The following MAPK14 variants were observed in gnomAD, a reference collection of about 807,000 sequenced individuals.
The protein encoded by MAPK14 is CSAID-binding protein.
MAPK14 carries 16 observed loss-of-function variants against 49.6 expected under a neutral mutation model. That is an observed-to-expected ratio of 0.32 (90% CI 0.22 to 0.49). The LOEUF is 0.49. Among genes scored for constraint, MAPK14 ranks in the 20% least tolerant of loss-of-function variants. The pLI, the probability that MAPK14 is intolerant of heterozygous loss-of-function variation, is 0.99. For synonymous variants in MAPK14, 142 were observed against 158.0 expected, an observed-to-expected ratio of 0.90 and a Z score of 0.76; for missense variants, 200 against 441.2, an observed-to-expected ratio of 0.45 and a Z score of 4.90.
intron 3 of MAPK14, among the ~76,000 whole-genome samples, chr6:36,063,702 A>AGTG (rs1763922967): frequency 6.6e-6 from 1 of 152,248 alleles, no homozygotes; most frequent in South Asian, 2.1e-4. Context: ...AACAATAGGT[A>AGTG]GTGCATTTTG....
intron 7 of MAPK14, 107 bp downstream of exon 7, chr6:36,076,069 C>A: frequency 8.8e-7 from 1 of 1,141,556 alleles, no homozygotes; most frequent in Non-Finnish European, 1.3e-6. Flanking sequence ...TCTTTTCTTC[C>A]CTCAGTGATC....
chr6:36,089,879 G>A (rs1316586249), intron 8 of MAPK14, among the ~76,000 whole-genome samples: 1 of 152,226 alleles, frequency 6.6e-6, no homozygotes, highest in Non-Finnish European at 1.5e-5. Context: ...TGCAGCTTAA[G>A]GAAGAGAGAA....
intron 2 of MAPK14, among the ~76,000 whole-genome samples, chr6:36,058,252 A>G (rs1293766230): frequency 4.6e-5 from 7 of 152,208 alleles, no homozygotes; most frequent in African/African-American, 9.7e-5. Context: ...TTTGAAGCAT[A>G]TACAGTTAAT....
intron 1 of MAPK14, among the ~76,000 whole-genome samples, chr6:36,036,049 C>T (rs561273888): frequency 1.3e-5 from 2 of 152,156 alleles, no homozygotes; most frequent in East Asian, 3.9e-4. Context: ...CATGGCGAAA[C>T]TCTGCCTCTA....
At chr6:36,095,417 TTCCAGAGGGTGTGC>T (rs1765406164) in intron 8 of MAPK14, among the ~76,000 whole-genome samples, 1 of 152,216 alleles carries the variant, frequency 6.6e-6, no homozygotes, top group Admixed American at 6.5e-5. Flanking sequence ...AGGCTTCCCT[TTCCAGAGGGTGTGC>T]TCCAGTGGTC....
At chr6:36,117,437 G>A in the MAPK14 span, among the ~76,000 whole-genome samples, 17 of 152,188 alleles carry the variant, frequency 1.1e-4, no homozygotes, top group Non-Finnish European at 2.2e-4. Context: ...TAATGTATTC[G>A]TTCTTCTGTT....
chr6:36,063,226 T>C (rs1581772780), intron 3 of MAPK14, among the ~76,000 whole-genome samples: 1 of 152,146 alleles, frequency 6.6e-6, no homozygotes, highest in Admixed American at 6.5e-5. Flanking sequence ...ATGCTGTAGG[T>C]AACTGTAACG....
chr6:36,115,739 C>T (rs1766049323), downstream of MAPK14, among the ~76,000 whole-genome samples: 1 of 152,062 alleles, frequency 6.6e-6, no homozygotes, highest in African/African-American at 2.4e-5. Flanking sequence ...GGTGAAACCC[C>T]ATCTCTACTA....
chr6:36,071,745 ATACT>A (rs1184303935), intron 3 of MAPK14, among the ~76,000 whole-genome samples: 1 of 152,240 alleles, frequency 6.6e-6, no homozygotes, highest in East Asian at 1.9e-4. Flanking sequence ...AAACTACAAG[ATACT>A]TAATTATAGC....
At chr6:36,064,867 A>G (rs931003949) in intron 3 of MAPK14, among the ~76,000 whole-genome samples, 2 of 152,212 alleles carry the variant, frequency 1.3e-5, no homozygotes, top group African/African-American at 4.8e-5. Context: ...TAAGACCTGA[A>G]AGGTCCTACA....
the MAPK14 span, among the ~76,000 whole-genome samples, chr6:36,120,974 C>G: frequency 6.6e-6 from 1 of 152,266 alleles, no homozygotes; most frequent in East Asian, 1.9e-4. Context: ...ACTGAGAATT[C>G]CAAGTCTAAG....
intron 2 of MAPK14, among the ~76,000 whole-genome samples, chr6:36,055,486 T>C (rs925632073): frequency 6.6e-6 from 1 of 152,178 alleles, no homozygotes. Flanking sequence ...GGATAATCAT[T>C]AGAGATATTT....
At chr6:36,120,814 C>T in the MAPK14 span, among the ~76,000 whole-genome samples, 2 of 152,062 alleles carry the variant, frequency 1.3e-5, no homozygotes, top group African/African-American at 4.8e-5. Context: ...GACATTTGTC[C>T]GTGTATTCTC....
At chr6:36,055,405 TA>T in intron 2 of MAPK14, among the ~76,000 whole-genome samples, 1 of 152,228 alleles carries the variant, frequency 6.6e-6, no homozygotes, top group East Asian at 1.9e-4. Context: ...TGAGTTAAAG[TA>T]TTTTTTTTTG....
chr6:36,108,043 C>CTGT (rs753851486), intron 11 of MAPK14, among the ~76,000 whole-genome samples: 9 of 152,180 alleles, frequency 5.9e-5, no homozygotes, highest in Non-Finnish European at 1.2e-4. Flanking sequence ...TTCCACAAAA[C>CTGT]ACAAGTTCAG....
chr6:36,065,523 T>TGTGTGTGG (rs1446553587), intron 3 of MAPK14, among the ~76,000 whole-genome samples: 4 of 150,742 alleles, frequency 2.7e-5, no homozygotes, highest in Non-Finnish European at 5.9e-5. Flanking sequence ...TGTGTGTGTG[T>TGTGTGTGG]GTGTGTGTGT....
At chr6:36,083,699 A>G (rs1009585572) in intron 8 of MAPK14, among the ~76,000 whole-genome samples, 1 of 152,128 alleles carries the variant, frequency 6.6e-6, no homozygotes, top group Non-Finnish European at 1.5e-5. Flanking sequence ...ACAGAATTCC[A>G]ATCTCCCTGG....
intron 1 of MAPK14, among the ~76,000 whole-genome samples, chr6:36,038,090 A>G (rs1762820478): frequency 6.6e-6 from 1 of 152,134 alleles, no homozygotes; most frequent in African/African-American, 2.4e-5. Context: ...AGTGTGTCAG[A>G]TAAGTGCTGT....
intron 2 of MAPK14, among the ~76,000 whole-genome samples, chr6:36,058,533 T>A (rs1315992484): frequency 6.6e-6 from 1 of 152,178 alleles, no homozygotes; most frequent in East Asian, 1.9e-4. Context: ...AGAAAATTAG[T>A]TGGAGTTATT....
Sources: gnomAD v4.1 joint callset for allele counts (sites outside exome capture counted in the v4.1 genomes callset) on GRCh38, gnomAD v4.1.1 for gene constraint, MANE v1.5 for transcripts, NCBI Gene and HGNC (gene_info 2026-07-23, HGNC 2026-07-21) for gene names.